The following CLEC12A variants were observed in gnomAD, a reference collection of about 807,000 sequenced individuals.
CLEC12A encodes C-type lectin domain family 12 member A, also known as C-type lectin protein CLL-1.
A neutral mutation model predicts 26.5 loss-of-function variants in CLEC12A; 22 were observed. The observed-to-expected ratio is 0.83, with a 90% CI of 0.59 to 1.19. CLEC12A has a LOEUF of 1.19. CLEC12A is among the 50% of genes most tolerant of loss of function. The probability of loss-of-function intolerance (pLI) is 0.00; values close to 1 mark genes in which losing one functional copy is unlikely to be tolerated. For missense variants in CLEC12A, 353 were observed against 315.6 expected (o/e 1.12, Z -0.90); for synonymous variants, 119 against 101.9 (o/e 1.17, Z -1.01).
At position 9,991,452 on chromosome 12, in the gene CLEC12A, G is replaced by A. The variant is rs538162690; in HGVS notation, n.1005-3566G>A. On this transcript the variant is annotated intron_variant and non_coding_transcript_variant, in intron 4 of 4. Transcript: ENST00000449959. ...TTCCATTTTAGGGAGATGAAACAAA[G>A]TTGAGTTGCTAATTTTGTACAGTTT... 3.3e-5 allele frequency: 5 copies of A among 152,208 alleles called. No individual in the cohort carries two copies. In the East Asian group the frequency reaches 9.6e-4, roughly 29 times the overall value. 9.4% of individuals were successfully genotyped at this position (152,208 alleles called of 1,614,324 possible).
chr12:9,997,283 G>A (rs1372446094), downstream of CLEC12A: 1 of 1,604,424 alleles, frequency 6.2e-7, no homozygotes, highest in Non-Finnish European at 8.5e-7. Context: ...ATGACAGCTA[G>A]GTTTAAAAAG....
intron 1 of CLEC12A, among the ~76,000 whole-genome samples, chr12:9,976,026 G>A (rs1396935064): frequency 6.6e-6 from 1 of 152,234 alleles, no homozygotes; most frequent in Non-Finnish European, 1.5e-5. Flanking sequence ...GGGAACCTCT[G>A]TCTAGATTTC....
the CLEC12A span, among the ~76,000 whole-genome samples, chr12:10,005,188 C>T: frequency 6.6e-6 from 1 of 151,888 alleles, no homozygotes; most frequent in Non-Finnish European, 1.5e-5. Context: ...TTCTGGGGAC[C>T]AATGGTTAAT....
intron 4 of CLEC12A, chr12:9,993,457 T>C: frequency 1.6e-6 from 1 of 628,408 alleles, no homozygotes; most frequent in South Asian, 1.9e-5. Flanking sequence ...TGCTTGGCAG[T>C]ACAAGATATG....
chr12:9,991,448 C>A (rs1163818119), intron 4 of CLEC12A: 9 of 152,128 alleles, frequency 5.9e-5, no homozygotes, highest in Non-Finnish European at 1.0e-4. Context: ...GGAGATGAAA[C>A]AAAGTTGAGT....
chr12:9,994,184 G>C (rs1487560598), intron 4 of CLEC12A, among the ~76,000 whole-genome samples: 1 of 152,036 alleles, frequency 6.6e-6, no homozygotes, highest in Non-Finnish European at 1.5e-5. Flanking sequence ...TGGAGTTGTG[G>C]AGGCAGAGCA....
chr12:9,997,024 G>A (rs1241465175), downstream of CLEC12A: 2 of 1,612,298 alleles, frequency 1.2e-6, no homozygotes, highest in Non-Finnish European at 1.7e-6. Context: ...GCACAGGAAT[G>A]GTGTATTTTT....
intron 1 of CLEC12A, chr12:9,952,051 T>A (rs1489873522): frequency 3.3e-5 from 5 of 150,894 alleles, no homozygotes; most frequent in African/African-American, 1.2e-4. Context: ...CTGGAGAGAT[T>A]TGGCCTTTAA....
Position 9,982,041 on chromosome 12 carries a change from A to T in CLEC12A, c.553A>T (p.Arg185Ter). The T allele has an allele frequency of 1.3e-6, 2 of 1,576,626 alleles. No individual in the cohort carries two copies. The highest frequency in any genetic ancestry group is 1.3e-5 in the African/African-American group (1 of 74,218). Residue 185 changes from arginine (R) to a stop codon, truncating the protein, a stop_gained, in exon 5 of 6, where the codon AGA (arginine) becomes TGA (stop). Transcript: ENST00000304361. LOFTEE classifies it high-confidence loss of function. ...NALEFIKSQS[R>*]SYDYWLGLSP... is the part of the protein sequence containing the mutation. The stretch of plus-strand genomic sequence containing the variant: ...GTAGGAATTTATAAAATCCCAGAGT[A>T]GATCATATGACTATTGGCTGGGATT...
At chr12:9,970,206 G>A (rs1463200035), upstream of CLEC12A, among the ~76,000 whole-genome samples, 1 of 121,598 alleles carries the variant, frequency 8.2e-6, no homozygotes, top group Admixed American at 8.8e-5. Context: ...TAATCCCACA[G>A]CATGTTTTTC....
upstream of CLEC12A, chr12:9,971,372 A>G: frequency 6.2e-6 from 7 of 1,136,220 alleles, no homozygotes; most frequent in Non-Finnish European, 7.6e-6. Flanking sequence ...CTGTTGCAAC[A>G]GTTCAATGTT....
intron 1 of CLEC12A, among the ~76,000 whole-genome samples, chr12:9,974,741 A>AT (rs1366293261): frequency 1.3e-5 from 2 of 152,120 alleles, no homozygotes; most frequent in Non-Finnish European, 2.9e-5. Context: ...AGACACAGAG[A>AT]TGTTAAAAGG....
downstream of CLEC12A, among the ~76,000 whole-genome samples, chr12:9,987,358 G>T (rs1473202257): frequency 6.6e-6 from 1 of 152,136 alleles, no homozygotes; most frequent in African/African-American, 2.4e-5. Context: ...TCCATAGCAA[G>T]GCAGTACATG....
At chr12:9,972,164 C>T (rs1388790017) in intron 1 of CLEC12A, among the ~76,000 whole-genome samples, 1 of 151,692 alleles carries the variant, frequency 6.6e-6, no homozygotes, top group Admixed American at 6.6e-5. Flanking sequence ...AAAATTTCTC[C>T]TACTTCTTTT....
intron 1 of CLEC12A, among the ~76,000 whole-genome samples, chr12:9,957,197 A>C (rs1054221271): frequency 6.6e-6 from 1 of 152,142 alleles, no homozygotes; most frequent in East Asian, 1.9e-4. Flanking sequence ...AAGAAATTTT[A>C]AAAAGGTGTG....
chr12:9,973,743 C>T (rs551775864), intron 1 of CLEC12A, among the ~76,000 whole-genome samples: 3 of 152,166 alleles, frequency 2.0e-5, no homozygotes, highest in South Asian at 4.1e-4. Context: ...TATGAAGGGA[C>T]GGCTCCTCAT....
At chr12:9,975,355 G>C (rs1413912575) in intron 1 of CLEC12A, among the ~76,000 whole-genome samples, 1 of 152,040 alleles carries the variant, frequency 6.6e-6, no homozygotes, top group Non-Finnish European at 1.5e-5. Flanking sequence ...GACAAAAATG[G>C]TGATAAGGCT....
At chr12:9,957,478 G>A (rs1863761122) in intron 1 of CLEC12A, among the ~76,000 whole-genome samples, 1 of 139,152 alleles carries the variant, frequency 7.2e-6, no homozygotes, top group South Asian at 2.3e-4. Context: ...ATGACAGAGT[G>A]AGACTTCATC....
At chr12:9,980,794 C>G in intron 4 of CLEC12A, 61 bp downstream of exon 4, 1 of 1,538,858 alleles carries the variant, frequency 6.5e-7, no homozygotes, top group Non-Finnish European at 8.9e-7. Flanking sequence ...TTGGAGAAGA[C>G]TTCAATCAAC....
Sources: gnomAD v4.1 joint callset for allele counts (sites outside exome capture counted in the v4.1 genomes callset) on GRCh38, gnomAD v4.1.1 for gene constraint, MANE v1.5 for transcripts, NCBI Gene and HGNC (gene_info 2026-07-23, HGNC 2026-07-21) for gene names.